C1orf52: variants seen among roughly 807,000 people sequenced by gnomAD.
The protein encoded by C1orf52 is chromosome 1 open reading frame 52.
In C1orf52, 5 loss-of-function variants were observed where a neutral mutation model predicts 17.2. The observed-to-expected ratio is 0.29, with a 90% CI of 0.15 to 0.61. C1orf52 has a LOEUF of 0.61. Among genes scored for constraint, C1orf52 ranks in the 20% least tolerant of loss-of-function variants. C1orf52 has a pLI of 0.85. For synonymous variants in C1orf52, 110 were observed against 88.0 expected, an observed-to-expected ratio of 1.25 and a Z score of -1.40; for missense variants, 245 against 234.1, an observed-to-expected ratio of 1.05 and a Z score of -0.30.
At chr1:85,255,381 C>T (rs982583499) in intron 2 of C1orf52, among the ~76,000 whole-genome samples, 3 of 152,086 alleles carry the variant, frequency 2.0e-5, no homozygotes, top group Admixed American at 2.0e-4. Flanking sequence ...GAAACCCCAT[C>T]TCCACTAAAA....
intron 2 of C1orf52, among the ~76,000 whole-genome samples, chr1:85,257,942 CAAAAACAAA>C (rs967893204): frequency 7.8e-4 from 118 of 151,282 alleles, no homozygotes; most frequent in African/African-American, 2.3e-3. Context: ...CCCACCTCTA[CAAAAACAAA>C]AAAAACAAAA....
chr1:85,255,795 T>TTAAAGTGGGTTTATGA (rs143170037), intron 2 of C1orf52, among the ~76,000 whole-genome samples: 1 of 151,988 alleles, frequency 6.6e-6, no homozygotes, highest in Non-Finnish European at 1.5e-5. Flanking sequence ...ATAATTGATT[T>TTAAAGTGGGTTTATGA]TATAGGAATC....
chr1:85,258,975 A>T (rs1295633386), intron 1 of C1orf52: 1 of 1,359,436 alleles, frequency 7.4e-7, no homozygotes, highest in East Asian at 3.0e-5. Context: ...GCCAAGGCTG[A>T]CCCCTTCAGG....
rs145811689 is a variant in C1orf52, at chr1:85,251,722, T to G, written c.*907A>C. 3.0e-3 allele frequency: 460 copies of G among 152,244 alleles called. 2 individuals are homozygous for G. Among genetic ancestry groups the G allele is most frequent in the African/African-American group, 0.011 (442 of 41,524 alleles). The allele number at this position is 152,244 out of a possible 1,614,324, so 9.4% of individuals were successfully genotyped here. On this transcript the variant is annotated 3_prime_UTR_variant, in exon 3 of 3. Coordinates refer to ENST00000471115, the MANE Select transcript of C1orf52 (RefSeq NM_198077.4). ...ACTGAATGTCCTGTAAACTTACAAT[T>G]TAATAAAGAAATTAATGAATAACCA... is the stretch of plus-strand genomic sequence containing the variant.
Position 85,252,038 on chromosome 1 carries a change from T to G in C1orf52, c.*591A>C, listed in dbSNP as rs1210477045. 1 of 152,218 alleles carries G rather than the reference T, an allele frequency of 6.6e-6. No individual in the cohort carries two copies. Among genetic ancestry groups the G allele is most frequent in the Non-Finnish European group, 1.5e-5 (1 of 68,058 alleles). The allele number at this position is 152,218 out of a possible 1,614,324, so 9.4% of individuals were successfully genotyped here. ...ATACTAATAATACCTTGCGCTAGGT[T>G]GTTTAAGGATCAGAGAAAATATATG... On this transcript the variant is annotated 3_prime_UTR_variant, in exon 3 of 3. Transcript: ENST00000471115.
chr1:85,253,382 ACTT>A (rs1048103177), intron 2 of C1orf52, among the ~76,000 whole-genome samples: 15 of 152,064 alleles, frequency 9.9e-5, no homozygotes, highest in African/African-American at 3.4e-4. Flanking sequence ...TCCAAAAACA[ACTT>A]CTTCTGCCCC....
intron 2 of C1orf52, among the ~76,000 whole-genome samples, chr1:85,257,912 C>A (rs1659985414): frequency 6.6e-6 from 1 of 151,998 alleles, no homozygotes; most frequent in African/African-American, 2.4e-5. Context: ...TCAAGACCAG[C>A]CTGACCAACA....
chr1:85,257,360 T>C (rs1315321484), intron 2 of C1orf52: 4 of 660,802 alleles, frequency 6.1e-6, no homozygotes, highest in Non-Finnish European at 1.1e-5. Flanking sequence ...TTTTGAAGGA[T>C]GAATTAGTTT....
intron 1 of C1orf52, 75 bp from the exon 2 acceptor site, chr1:85,258,797 C>T (rs1333703066): frequency 1.4e-6 from 2 of 1,429,088 alleles, no homozygotes; most frequent in East Asian, 2.5e-5. Context: ...ATGCAACTCC[C>T]TGCCGTTCGC....
intron 2 of C1orf52, among the ~76,000 whole-genome samples, chr1:85,254,688 G>GC (rs1179595115): frequency 6.6e-6 from 1 of 152,184 alleles, no homozygotes; most frequent in East Asian, 1.9e-4. Context: ...ACCGCACCCG[G>GC]CACCTTTTGC....
intron 2 of C1orf52, among the ~76,000 whole-genome samples, chr1:85,254,400 T>G (rs1490542679): frequency 6.6e-6 from 1 of 151,986 alleles, no homozygotes; most frequent in African/African-American, 2.4e-5. Context: ...TTTTGCTTTT[T>G]TTTTTTTTTG....
chr1:85,257,417 T>C (rs1165084331), intron 2 of C1orf52: 2 of 715,946 alleles, frequency 2.8e-6, no homozygotes, highest in Middle Eastern at 2.3e-4. Flanking sequence ...GTGCAACGTA[T>C]ACTGAAAGGC....
chr1:85,259,192 G>C, intron 1 of C1orf52, 166 bp downstream of exon 1: 1 of 1,139,526 alleles, frequency 8.8e-7, no homozygotes, highest in East Asian at 2.5e-5. Flanking sequence ...CACCAGGCGG[G>C]GAGAGGGGGC....
chr1:85,259,185 C>T lies in C1orf52; in HGVS notation c.276+173G>A. The T allele has an allele frequency of 2.7e-6, 3 of 1,121,618 alleles. No individual in the cohort carries two copies. In the South Asian group the frequency reaches 4.8e-5, roughly 18 times the overall value. 69.5% of individuals were successfully genotyped at this position (1,121,618 alleles called of 1,614,324 possible). On this transcript the variant is annotated intron_variant, in intron 1 of 2. Coordinates refer to ENST00000471115, the MANE Select transcript of C1orf52 (RefSeq NM_198077.4). Reference sequence around the variant, plus strand: ...GCTGCGGGTCCGGTCTAACACCCACCAGGCGGGGAGAGGGGGCCAGGTTTC... The same window carrying T: ...GCTGCGGGTCCGGTCTAACACCCACTAGGCGGGGAGAGGGGGCCAGGTTTC...
At position 85,252,669 on chromosome 1, in the gene C1orf52, C is replaced by A; in HGVS notation, c.509G>T (p.Arg170Leu). The change falls in exon 3 of 3, where the codon CGC becomes CTC. Residue 170 changes from arginine (R) to leucine (L), a missense_variant. By Grantham distance (102) the Arg-to-Leu change is moderately radical (BLOSUM62 -2). Transcript: ENST00000471115. ...TGCTGGTTCTCCTGGCTCTACTTTG[C>A]GCTTTTTAGAAGTATGCTCATCTTT... ...DEKDEHTSKK[R>L]KVEPGEPAKK... is the part of the protein sequence containing the mutation. 1 of 1,613,226 alleles carries A rather than the reference C, an allele frequency of 6.2e-7. No homozygotes were observed. The highest frequency in any genetic ancestry group is 8.5e-7 in the Non-Finnish European group (1 of 1,179,528).
Position 85,259,551 on chromosome 1 carries a change from T to G in C1orf52, c.83A>C (p.Asn28Thr), listed in dbSNP as rs1660037860. The G allele has an allele frequency of 1.2e-6, 2 of 1,613,580 alleles. No individual in the cohort carries two copies. Among genetic ancestry groups the G allele is most frequent in the Non-Finnish European group, 1.7e-6 (2 of 1,179,928 alleles). Residue 28 changes from asparagine (N) to threonine (T), a missense_variant, in exon 1 of 3, where the codon AAC (asparagine) becomes ACC (threonine). By Grantham distance (65) the Asn-to-Thr change is moderately conservative (BLOSUM62 0). Coordinates refer to ENST00000471115, the MANE Select transcript of C1orf52 (RefSeq NM_198077.4). Reference sequence around the variant, plus strand: ...GCGACTCGTCTCCTCCGGCTCGATGTTATCCTCCTCGTCCGAGGAGCCTGA... The same window carrying G: ...GCGACTCGTCTCCTCCGGCTCGATGGTATCCTCCTCGTCCGAGGAGCCTGA... ...SSSGSSDEED[N>T]IEPEETSRRT...
chr1:85,259,498 C>A lies in C1orf52; in HGVS notation c.136G>T (p.Gly46Cys). ...RRTPDPAKSA[G>C]GCRNKAEKRL... Reference sequence around the variant, plus strand: ...TTCTCCGCCTTGTTCCTACAGCCGCCCGCCGACTTCGCCGGATCCGGGGTT... The same window carrying A: ...TTCTCCGCCTTGTTCCTACAGCCGCACGCCGACTTCGCCGGATCCGGGGTT... The change falls in exon 1 of 3, where the codon GGC (glycine) becomes TGC (cysteine). Residue 46 changes from glycine to cysteine, a missense_variant. By Grantham distance (159) the Gly-to-Cys change is radical. Transcript: ENST00000471115. The A allele has an allele frequency of 6.2e-7, 1 of 1,613,904 alleles. No individual in the cohort carries two copies. Among genetic ancestry groups the A allele is most frequent in the Non-Finnish European group, 8.5e-7 (1 of 1,180,004 alleles).
chr1:85,251,138 G>T lies in C1orf52; in HGVS notation c.*1491C>A, dbSNP rs115907840. ...ACACATGCCTAGGTAAACAAATCTC[G>T]CGTAATTGTTCAAATTTTATCTTCC... On this transcript the variant is annotated 3_prime_UTR_variant, in exon 3 of 3. Transcript: ENST00000471115. 1 of 151,950 alleles carries T rather than the reference G, an allele frequency of 6.6e-6. No individual in the cohort carries two copies. Among genetic ancestry groups the T allele is most frequent in the African/African-American group, 2.4e-5 (1 of 41,376 alleles). The allele number at this position is 151,950 out of a possible 1,614,324, so 9.4% of individuals were successfully genotyped here. A position where few individuals can be genotyped will look rare whatever the true frequency, so the allele number is the denominator to read the frequency against.
At position 85,259,647 on chromosome 1, in the gene C1orf52, G is replaced by C. The variant is rs527624693; in HGVS notation, c.-14C>G. 14 of 1,529,502 alleles carry C rather than the reference G, an allele frequency of 9.2e-6. No homozygotes were observed. The Admixed American group carries it at 2.4e-4, about 26-fold the overall frequency. 94.7% of individuals were successfully genotyped at this position (1,529,502 alleles called of 1,614,324 possible). The stretch of plus-strand genomic sequence containing the variant: ...CTCCGCTGCCATGACGGCTGCGAGC[G>C]ACAACCCAGCACTCCGCCGGAAGCC... On this transcript the variant is annotated 5_prime_UTR_variant, in exon 1 of 3. Transcript: ENST00000471115.
Sources: gnomAD v4.1 joint callset for allele counts (sites outside exome capture counted in the v4.1 genomes callset) on GRCh38, gnomAD v4.1.1 for gene constraint, MANE v1.5 for transcripts, NCBI Gene and HGNC (gene_info 2026-07-23, HGNC 2026-07-21) for gene names.